Variants in RGS13 observed in about 807,000 individuals in gnomAD.
RGS13 encodes the protein regulator of G protein signaling 13.
A neutral mutation model predicts 19.9 loss-of-function variants in RGS13; 14 were observed. The ratio of observed to expected loss-of-function variants is 0.70; its 90% CI spans 0.46 to 1.10. RGS13 has a LOEUF of 1.10. RGS13 is among the 50% of genes least tolerant of loss of function. RGS13 has a pLI of 0.00. For synonymous variants in RGS13, 60 were observed against 56.8 expected, an observed-to-expected ratio of 1.06 and a Z score of -0.25; for missense variants, 205 against 187.1, an observed-to-expected ratio of 1.10 and a Z score of -0.56.
Position 192,641,261 on chromosome 1 carries a change from A to G in RGS13, c.-5+3058A>G, listed in dbSNP as rs1243046402. 3.3e-3 allele frequency among the ~76,000 whole-genome samples: 353 copies of G among 106,146 alleles called. 3 individuals carry two copies. The highest frequency in any genetic ancestry group is 0.032 in the East Asian group (69 of 2,126). 69.6% of individuals were successfully genotyped at this position (106,146 alleles called of 152,430 possible). On this transcript the variant is annotated intron_variant, in intron 3 of 6. Coordinates refer to ENST00000391995, the MANE Select transcript of RGS13 (RefSeq NM_002927.5). The stretch of plus-strand genomic sequence containing the variant: ...GAAAGAAAGAAAAGAAAGAAAAGAA[A>G]GAAAGAAAGAAAGAAAGAAAGAAAG...
chr1:192,641,311 G>GAAAGAAA, intron 3 of RGS13, among the ~76,000 whole-genome samples: 3 of 135,378 alleles, frequency 2.2e-5, no homozygotes, highest in Admixed American at 7.6e-5. Context: ...AGAAAGAAAA[G>GAAAGAAA]AAAGAAAGGA....
At chr1:192,653,343 G>T (rs549304232) in intron 5 of RGS13, among the ~76,000 whole-genome samples, 1 of 152,134 alleles carries the variant, frequency 6.6e-6, no homozygotes, top group South Asian at 2.1e-4. Flanking sequence ...ATTGGAGAGC[G>T]TGGAGTAAGT....
intron 6 of RGS13, 37 bp from the exon 7 acceptor site, chr1:192,659,301 G>C: frequency 6.6e-7 from 1 of 1,518,934 alleles, no homozygotes; most frequent in South Asian, 1.2e-5. Flanking sequence ...TTTCAACTAT[G>C]CTAACTTAAT....
intron 6 of RGS13, chr1:192,659,041 G>C (rs1052962057): frequency 4.3e-6 from 1 of 234,874 alleles, no homozygotes. Flanking sequence ...CTGATTTGTA[G>C]ACTGCTACTA....
chr1:192,643,579 T>G (rs1292987893), intron 3 of RGS13, among the ~76,000 whole-genome samples: 3 of 152,196 alleles, frequency 2.0e-5, no homozygotes, highest in Non-Finnish European at 4.4e-5. Flanking sequence ...CTTTATTTTT[T>G]ATTTGGCTAT....
chr1:192,658,728 C>T (rs929075156), intron 6 of RGS13: 34 of 190,952 alleles, frequency 1.8e-4, no homozygotes, highest in Non-Finnish European at 3.2e-4. Flanking sequence ...ATTTGAGAAT[C>T]CTGTGTTGTT....
At chr1:192,637,153 T>A (rs1440614288) in intron 1 of RGS13, among the ~76,000 whole-genome samples, 1 of 151,942 alleles carries the variant, frequency 6.6e-6, no homozygotes, top group East Asian at 1.9e-4. Flanking sequence ...GTGAAATGTA[T>A]TTCTTTCAAA....
intron 3 of RGS13, among the ~76,000 whole-genome samples, chr1:192,638,541 TAGAGAGAA>T (rs1049603070): frequency 6.6e-6 from 1 of 151,984 alleles, no homozygotes; most frequent in Non-Finnish European, 1.5e-5. Flanking sequence ...TAGTAATCAA[TAGAGAGAA>T]ACACAAACAT....
chr1:192,655,829 G>A (rs1247006155), intron 5 of RGS13, among the ~76,000 whole-genome samples: 1 of 151,986 alleles, frequency 6.6e-6, no homozygotes, highest in African/African-American at 2.4e-5. Flanking sequence ...GTATTTATGT[G>A]TGGAGAGATA....
intron 5 of RGS13, among the ~76,000 whole-genome samples, chr1:192,652,559 A>G (rs1663361326): frequency 6.6e-6 from 1 of 151,478 alleles, no homozygotes; most frequent in Non-Finnish European, 1.5e-5. Flanking sequence ...GCAAAGGGGG[A>G]AAAAAACCTC....
At chr1:192,655,022 C>G (rs1481725754) in intron 5 of RGS13, among the ~76,000 whole-genome samples, 1 of 152,076 alleles carries the variant, frequency 6.6e-6, no homozygotes, top group Non-Finnish European at 1.5e-5. Flanking sequence ...AACTTCAGAA[C>G]AGCCTACATT....
rs537659961 is a variant in RGS13, at chr1:192,656,837, G to A, written c.128-1364G>A. 6.6e-4 allele frequency among the ~76,000 whole-genome samples: 101 copies of A among 152,060 alleles called. No homozygotes were observed. In the South Asian group the frequency reaches 6.8e-3, roughly 10 times the overall value. ...CTTTTGCTTGAAGACAAAATACTTCGTTATCTTTGTTCCTATATCACTGCT... is the reference window on the plus strand; with the variant it reads ...CTTTTGCTTGAAGACAAAATACTTCATTATCTTTGTTCCTATATCACTGCT... On this transcript the variant is annotated intron_variant, in intron 5 of 6. Coordinates refer to ENST00000391995, the MANE Select transcript of RGS13 (RefSeq NM_002927.5).
intron 3 of RGS13, among the ~76,000 whole-genome samples, chr1:192,639,515 AT>A (rs1663068396): frequency 6.6e-6 from 1 of 152,134 alleles, no homozygotes; most frequent in East Asian, 1.9e-4. Flanking sequence ...TGCAGATTAT[AT>A]GTTGACATGT....
intron 5 of RGS13, among the ~76,000 whole-genome samples, chr1:192,652,664 T>C (rs1365388561): frequency 2.0e-5 from 3 of 152,060 alleles, no homozygotes; most frequent in East Asian, 3.9e-4. Context: ...TATAAACCTG[T>C]CGTCTTTAGT....
chr1:192,659,685 G>T lies in RGS13; in HGVS notation c.*162G>T. On this transcript the variant is annotated 3_prime_UTR_variant, in exon 7 of 7. Transcript: ENST00000391995. ...AAAAGAAACATATTTCAAAAGCAAT[G>T]GAATCTAGAATTCTTATAACATGAA... The T allele has an allele frequency of 1.7e-6, 1 of 585,272 alleles. No homozygotes were observed. The highest frequency in any genetic ancestry group is 1.9e-5 in the African/African-American group (1 of 52,808). The allele number at this position is 585,272 out of a possible 1,614,324, so 36.3% of individuals were successfully genotyped here.
At chr1:192,636,901 A>ATT (rs1663027091) in intron 1 of RGS13, among the ~76,000 whole-genome samples, 1 of 152,036 alleles carries the variant, frequency 6.6e-6, no homozygotes, top group Non-Finnish European at 1.5e-5. Context: ...TCACTAAAAT[A>ATT]TAAATTGCTC....
chr1:192,659,733 A>G lies in RGS13; in HGVS notation c.*210A>G. The stretch of plus-strand genomic sequence containing the variant: ...GAATAACAAAATGTACAGCAAGCCT[A>G]TGTAGTTCAATTAATATATAAGGAA... On this transcript the variant is annotated 3_prime_UTR_variant, in exon 7 of 7. Coordinates refer to ENST00000391995, the MANE Select transcript of RGS13 (RefSeq NM_002927.5). 2 of 446,734 alleles carry G rather than the reference A, an allele frequency of 4.5e-6. 1 individual carries two copies. The highest frequency in any genetic ancestry group is 8.4e-5 in the South Asian group (2 of 23,734). The allele number at this position is 446,734 out of a possible 1,614,324, so 27.7% of individuals were successfully genotyped here.
intron 5 of RGS13, among the ~76,000 whole-genome samples, chr1:192,652,335 G>C (rs533454655): frequency 5.8e-4 from 88 of 152,136 alleles, no homozygotes; most frequent in Non-Finnish European, 5.4e-4. Flanking sequence ...CCTGATCCCA[G>C]AGTCATTCTC....
intron 4 of RGS13, chr1:192,647,279 C>G (rs1016434977): frequency 6.6e-6 from 1 of 152,158 alleles, no homozygotes; most frequent in African/African-American, 2.4e-5. Context: ...AACTTTGATT[C>G]TACTGCTAGT....
Sources: gnomAD v4.1 joint callset for allele counts (sites outside exome capture counted in the v4.1 genomes callset) on GRCh38, gnomAD v4.1.1 for gene constraint, MANE v1.5 for transcripts, NCBI Gene and HGNC (gene_info 2026-07-23, HGNC 2026-07-21) for gene names.